The following TNRC6C variants were observed in gnomAD, a reference collection of about 807,000 sequenced individuals.
TNRC6C encodes trinucleotide repeat-containing gene 6C protein.
A neutral mutation model predicts 153.7 loss-of-function variants in TNRC6C; 20 were observed. That is an observed-to-expected ratio of 0.13 (90% CI 0.09 to 0.19). The LOEUF is 0.19. Ranked by LOEUF, TNRC6C falls within the 10% of genes least tolerant of loss-of-function variation. The probability of loss-of-function intolerance (pLI) is 1.00; values close to 1 mark genes in which losing one functional copy is unlikely to be tolerated. For missense variants in TNRC6C, 1,987 were observed against 2,172.0 expected (o/e 0.91, Z 1.69); for synonymous variants, 811 against 841.4 (o/e 0.96, Z 0.63).
At chr17:77,978,451 G>A (rs2071032266) in intron 1 of TNRC6C, among the ~76,000 whole-genome samples, 1 of 152,100 alleles carries the variant, frequency 6.6e-6, no homozygotes, top group East Asian at 1.9e-4. Context: ...CTGCCGCCGG[G>A]AACTAAAATG....
intron 1 of TNRC6C, among the ~76,000 whole-genome samples, chr17:77,969,063 T>G (rs1000815850): frequency 1.3e-5 from 2 of 152,182 alleles, no homozygotes; most frequent in African/African-American, 4.8e-5. Context: ...ACTGGCAGTT[T>G]ATTGAGTGCC....
intron 1 of TNRC6C, among the ~76,000 whole-genome samples, chr17:77,974,944 G>A (rs571378401): frequency 3.9e-5 from 6 of 151,916 alleles, no homozygotes; most frequent in Non-Finnish European, 8.8e-5. Context: ...AATGAGCAAG[G>A]GAAAAAACAA....
intron 1 of TNRC6C, among the ~76,000 whole-genome samples, chr17:78,025,357 T>A (rs924762859): frequency 6.6e-6 from 1 of 152,232 alleles, no homozygotes. Flanking sequence ...CATACTGTAC[T>A]TTCCTGATTG....
intron 1 of TNRC6C, among the ~76,000 whole-genome samples, chr17:77,969,880 T>C (rs1261919641): frequency 6.6e-6 from 1 of 152,138 alleles, no homozygotes; most frequent in Non-Finnish European, 1.5e-5. Context: ...ATCTAAATTA[T>C]AAAAGGTGAG....
chr17:78,007,871 C>T (rs2071550662), intron 1 of TNRC6C, among the ~76,000 whole-genome samples: 1 of 152,236 alleles, frequency 6.6e-6, no homozygotes, highest in African/African-American at 2.4e-5. Context: ...TTACACACCA[C>T]TCAACTAGTA....
At chr17:78,035,569 C>T (rs546503796) in intron 2 of TNRC6C, among the ~76,000 whole-genome samples, 8 of 152,254 alleles carry the variant, frequency 5.3e-5, no homozygotes, top group African/African-American at 1.7e-4. Context: ...ACCTGACAGG[C>T]TGAGGGAGAA....
At chr17:77,984,043 G>C (rs757187146) in intron 1 of TNRC6C, among the ~76,000 whole-genome samples, 2 of 152,096 alleles carry the variant, frequency 1.3e-5, no homozygotes, top group Non-Finnish European at 2.9e-5. Flanking sequence ...TAGCCAAAGG[G>C]GTGGACTGTG....
At chr17:77,994,138 C>G (rs1011833541) in intron 1 of TNRC6C, among the ~76,000 whole-genome samples, 22 of 152,264 alleles carry the variant, frequency 1.4e-4, no homozygotes, top group African/African-American at 5.3e-4. Flanking sequence ...GGTTGCAGTG[C>G]ACCGAGATTG....
At chr17:77,985,723 GTC>G (rs1031869639) in intron 1 of TNRC6C, among the ~76,000 whole-genome samples, 17 of 152,098 alleles carry the variant, frequency 1.1e-4, no homozygotes, top group Non-Finnish European at 2.2e-4. Context: ...TGGATGGATA[GTC>G]TCTCTGTCTT....
intron 1 of TNRC6C, among the ~76,000 whole-genome samples, chr17:77,991,513 C>T (rs183586456): frequency 9.2e-5 from 14 of 152,240 alleles, no homozygotes; most frequent in African/African-American, 2.4e-4. Context: ...AGAAATAATA[C>T]GTAAACTTCC....
rs1214043366 is a variant in TNRC6C, at chr17:78,079,142, G to A, written c.3211-253G>A. Among the ~76,000 whole-genome samples, 3 of 150,770 alleles carry A rather than the reference G, an allele frequency of 2.0e-5. No homozygotes were observed. Among genetic ancestry groups the A allele is most frequent in the Middle Eastern group, 3.5e-3 (1 of 284 alleles). ...CGGGGGTCTGTAATCCCAGCTACTC[G>A]GGAGGCTGAGGCAGGAGAATCACTT... is the stretch of plus-strand genomic sequence containing the variant. On this transcript the variant is annotated intron_variant, in intron 9 of 19. Coordinates refer to ENST00000301624, the Ensembl canonical transcript of TNRC6C. The surrounding 1 kb of genome is among the most constrained non-coding windows in gnomAD (Gnocchi z 4.3).
exon 2 of TNRC6C, chr17:78,031,677 C>T: frequency 8.1e-7 from 1 of 1,232,390 alleles, no homozygotes; most frequent in Non-Finnish European, 1.0e-6. Context: ...GGTGCCTCCA[C>T]GCTTCCGCCA....
chr17:77,977,035 A>G (rs915599087), intron 1 of TNRC6C, among the ~76,000 whole-genome samples: 6 of 151,264 alleles, frequency 4.0e-5, no homozygotes, highest in African/African-American at 2.4e-5. Context: ...CTACTTGTGT[A>G]CAAATTGTAT....
chr17:78,049,070 C>G lies in TNRC6C; in HGVS notation c.8C>G (p.Thr3Arg). The stretch of plus-strand genomic sequence containing the variant: ...GGCTCAGAGAACAGTAGCATGGCTA[C>G]AGGGAGTGCCCAGGGCAACTTCACT... Residue 3 changes from threonine (T) to arginine (R), a missense_variant, in exon 3 of 20, where the codon ACA becomes AGA. By Grantham distance (71) the Thr-to-Arg change is moderately conservative. Around this residue, in one of 4 missense-constraint regions of TNRC6C, gnomAD observed 1,052 missense variants for 1,017.0 expected, o/e 1.03. Transcript: ENST00000301624. The surrounding 1 kb of genome is among the most constrained non-coding windows in gnomAD (Gnocchi z 4.1). 6.5e-7 allele frequency: 1 copy of G among 1,539,374 alleles called. No individual in the cohort carries two copies. Among genetic ancestry groups the G allele is most frequent in the Non-Finnish European group, 8.8e-7 (1 of 1,141,506 alleles).
upstream of TNRC6C, among the ~76,000 whole-genome samples, chr17:78,000,868 T>C (rs1479443604): frequency 1.3e-5 from 2 of 152,172 alleles, no homozygotes; most frequent in African/African-American, 2.4e-5. Flanking sequence ...ATTTGTAACA[T>C]TTTTCATCCA....
chr17:78,048,226 A>G (rs1315296860), intron 2 of TNRC6C, among the ~76,000 whole-genome samples: 4 of 152,162 alleles, frequency 2.6e-5, no homozygotes, highest in Non-Finnish European at 5.9e-5. Context: ...ATAAAGTAGT[A>G]TACAGCTAAT....
Position 78,064,646 on chromosome 17 carries a change from T to C in TNRC6C, c.2396-76T>C, listed in dbSNP as rs1186475792. On this transcript the variant is annotated intron_variant, in intron 3 of 19. Coordinates refer to ENST00000301624, the Ensembl canonical transcript of TNRC6C. ...AGATTATCTTGAAATTATTTTGAAA[T>C]TGAAAACTGAATTATATTTTTGCTT... 1.1e-5 allele frequency: 15 copies of C among 1,403,554 alleles called. No individual in the cohort carries two copies. The East Asian group carries it at 3.0e-4, about 28-fold the overall frequency. 86.9% of individuals were successfully genotyped at this position (1,403,554 alleles called of 1,614,324 possible).
At chr17:78,096,364 C>T (rs1050439867) in intron 16 of TNRC6C, among the ~76,000 whole-genome samples, 6 of 152,186 alleles carry the variant, frequency 3.9e-5, no homozygotes, top group African/African-American at 9.7e-5. Flanking sequence ...ACCCCCACGA[C>T]GCACAGTTCA....
chr17:78,087,262 C>G (rs1362157772), intron 13 of TNRC6C, among the ~76,000 whole-genome samples, 169 bp downstream of exon 15: 1 of 152,000 alleles, frequency 6.6e-6, no homozygotes. Context: ...TATCTCAAGG[C>G]TTTTTAATTT....
Sources: allele counts gnomAD v4.1 joint callset (sites outside exome capture counted in the v4.1 genomes callset), GRCh38; gene constraint gnomAD v4.1.1; regional missense constraint gnomAD v4.1.1; non-coding constraint Gnocchi (gnomAD v3.1); transcripts MANE v1.5; gene names NCBI Gene and HGNC (gene_info 2026-07-23, HGNC 2026-07-21).